Variants in ATM observed in about 807,000 individuals in gnomAD.
ATM encodes the protein ATM serine/threonine kinase, also known as serine-protein kinase ATM.
ATM carries 308 observed loss-of-function variants against 387.0 expected under a neutral mutation model. That is an observed-to-expected ratio of 0.80 (90% CI 0.73 to 0.87). The LOEUF is 0.87. Among genes scored for constraint, ATM ranks in the 40% least tolerant of loss-of-function variants. ATM has a pLI of 0.00. For missense variants in ATM, 3,312 were observed against 3,560.9 expected (o/e 0.93, Z 1.78); for synonymous variants, 1,156 against 1,187.3 (o/e 0.97, Z 0.54).
chr11:108,275,803 ATTCAT>A (rs1381553429), intron 22 of ATM, among the ~76,000 whole-genome samples: 1 of 151,888 alleles, frequency 6.6e-6, no homozygotes, highest in Non-Finnish European at 1.5e-5. Flanking sequence ...ACATTTTTTC[ATTCAT>A]TTCAACCTTG....
chr11:108,338,057 T>A (rs565135538), intron 56 of ATM, among the ~76,000 whole-genome samples: 1 of 152,344 alleles, frequency 6.6e-6, no homozygotes, highest in East Asian at 1.9e-4. Context: ...GTTATTCCAT[T>A]AAGATTTCTA....
intron 54 of ATM, among the ~76,000 whole-genome samples, chr11:108,334,419 A>T (rs2086609900): frequency 6.6e-6 from 1 of 152,240 alleles, no homozygotes; most frequent in African/African-American, 2.4e-5. Context: ...TGCATGATAC[A>T]CTTAGCTCTG....
chr11:108,238,460 ACATTTATT>A (rs2079408141), intron 5 of ATM, among the ~76,000 whole-genome samples: 1 of 152,160 alleles, frequency 6.6e-6, no homozygotes, highest in African/African-American at 2.4e-5. Flanking sequence ...CTGCAAATTG[ACATTTATT>A]TATAATTGTA....
intron 39 of ATM, among the ~76,000 whole-genome samples, chr11:108,311,703 C>CAA (rs1215790496): frequency 2.6e-5 from 3 of 114,286 alleles, no homozygotes; most frequent in East Asian, 2.5e-4. Flanking sequence ...ATCTCATAAA[C>CAA]AAAAAAAAAA....
chr11:108,263,020 C>T (rs2080999863), intron 16 of ATM, among the ~76,000 whole-genome samples: 1 of 152,108 alleles, frequency 6.6e-6, no homozygotes, highest in Non-Finnish European at 1.5e-5. Context: ...CTTAGACTCC[C>T]ACACATTAAT....
At chr11:108,307,521 CT>C (rs778418533) in intron 37 of ATM, among the ~76,000 whole-genome samples, 3 of 152,152 alleles carry the variant, frequency 2.0e-5, no homozygotes, top group Non-Finnish European at 4.4e-5. Context: ...GCATTTTAAA[CT>C]TTCCTATTAT....
rs730881349 is a variant in ATM, at chr11:108,267,205, A to G, written c.2501A>G (p.Glu834Gly). The part of the protein sequence containing the change: ...SFIKKPFDRG[E>G]VESMEDDTNG... ...ATCAAAAAGCCATTTGACCGTGGAG[A>G]AGTAGAATCAATGGAAGATGATACT... The change falls in exon 17 of 63, where the codon GAA becomes GGA. Residue 834 changes from glutamate (E) to glycine (G), a missense_variant. This residue lies in a region of ATM where 1,791 missense variants were observed against 1,804.5 expected (regional missense o/e 0.99). Transcript: ENST00000675843. 4 of 1,614,144 alleles carry G rather than the reference A, an allele frequency of 2.5e-6. No homozygotes were observed. Among genetic ancestry groups the G allele is most frequent in the Non-Finnish European group, 3.4e-6 (4 of 1,180,008 alleles).
rs541728387 is a variant in ATM at position 108,317,608 on chromosome 11, A to T, written c.6347+87A>T. The T allele has an allele frequency of 3.9e-4, 216 of 560,810 alleles. 1 individual carries two copies. The Admixed American group carries it at 6.4e-3, about 16-fold the overall frequency. 34.7% of individuals were successfully genotyped at this position (560,810 alleles called of 1,614,324 possible). ...TTTTCTCTTCTATGAATATAACAGG[A>T]GTTGTTTTATATATATATATATATA... On this transcript the variant is annotated intron_variant, in intron 43 of 62. Transcript: ENST00000675843.
chr11:108,296,891 T>C (rs2083153037), intron 32 of ATM: 3 of 273,918 alleles, frequency 1.1e-5, no homozygotes, highest in African/African-American at 6.7e-5. Context: ...GACATTTCCA[T>C]CATTGCAGAA....
At chr11:108,291,984 A>G (rs1003601499) in intron 29 of ATM, among the ~76,000 whole-genome samples, 4 of 152,188 alleles carry the variant, frequency 2.6e-5, no homozygotes, top group South Asian at 2.1e-4. Context: ...AGCCTCTTGT[A>G]TGTCTCAACA....
intron 26 of ATM, among the ~76,000 whole-genome samples, chr11:108,285,398 T>G (rs2082441912): frequency 6.6e-6 from 1 of 151,908 alleles, no homozygotes; most frequent in South Asian, 2.1e-4. Flanking sequence ...AGGAGTCAAG[T>G]AAGGAAGGAT....
intron 1 of ATM, 44 bp downstream of exon 1, chr11:108,223,230 T>G (rs926791360): frequency 1.2e-5 from 2 of 162,160 alleles, no homozygotes; most frequent in Admixed American, 5.9e-5. Flanking sequence ...GCTGGGAAAT[T>G]CAGTCGTGTG....
chr11:108,343,814 A>G (rs1488275236), intron 57 of ATM, among the ~76,000 whole-genome samples: 2 of 152,116 alleles, frequency 1.3e-5, no homozygotes, highest in Non-Finnish European at 2.9e-5. Context: ...CAACAACAAC[A>G]AGATTATGAA....
chr11:108,278,327 T>G (rs781420834), intron 22 of ATM, among the ~76,000 whole-genome samples: 16 of 152,192 alleles, frequency 1.1e-4, no homozygotes, highest in Non-Finnish European at 1.8e-4. Context: ...ATTTCACAGA[T>G]AAAAGCAAAT....
At chr11:108,277,339 C>G (rs1399499474) in intron 22 of ATM, among the ~76,000 whole-genome samples, 1 of 152,172 alleles carries the variant, frequency 6.6e-6, no homozygotes, top group Non-Finnish European at 1.5e-5. Flanking sequence ...GACCACTTGG[C>G]TCCCTGGCTT....
In ATM at chr11:108,354,016, G is replaced by C; in HGVS notation, c.8786+136G>C. On this transcript the variant is annotated intron_variant, in intron 60 of 62. Transcript: ENST00000675843. ...GGATTGTTTGAGCCCAGGAGTTTGA[G>C]TCCAGCCTAGGCAATACAGCAAGAC... 2.5e-6 allele frequency: 2 copies of C among 797,986 alleles called. 1 individual carries two copies. Among genetic ancestry groups the C allele is most frequent in the South Asian group, 2.8e-5 (2 of 70,674 alleles). The allele number at this position is 797,986 out of a possible 1,614,324, so 49.4% of individuals were successfully genotyped here. A position where few individuals can be genotyped will look rare whatever the true frequency, so the allele number is the denominator to read the frequency against.
intron 5 of ATM, among the ~76,000 whole-genome samples, chr11:108,239,861 TC>T (rs1308849466): frequency 6.6e-6 from 1 of 152,240 alleles, no homozygotes; most frequent in Non-Finnish European, 1.5e-5. Context: ...TTTTGCTTCT[TC>T]CTACCTGTCT....
chr11:108,229,212 T>C lies in ATM; in HGVS notation c.220T>C (p.Cys74Arg). 3.1e-6 allele frequency: 5 copies of C among 1,613,302 alleles called. No individual in the cohort carries two copies. The highest frequency in any genetic ancestry group is 4.2e-6 in the Non-Finnish European group (5 of 1,179,638). ...LQKYIQKETE[C>R]LRIAKPNVSA... ...GAAATATATTCAGAAAGAAACAGAA[T>C]GTCTGAGAATAGCAAAACCAAATGT... Residue 74 changes from cysteine to arginine, a missense_variant, in exon 4 of 63, where the codon TGT (cysteine) becomes CGT (arginine). Cys to Arg is a radical substitution (Grantham distance 180). This residue lies in a region of ATM where 1,791 missense variants were observed against 1,804.5 expected (regional missense o/e 0.99). Coordinates refer to ENST00000675843, the MANE Select transcript of ATM (RefSeq NM_000051.4).
intron 35 of ATM, 49 bp from the exon 36 acceptor site, chr11:108,302,804 A>G: frequency 1.3e-6 from 2 of 1,525,742 alleles, no homozygotes; most frequent in Non-Finnish European, 1.8e-6. Flanking sequence ...GGAAAGGTAC[A>G]ATGATTTCCA....
Sources: allele counts gnomAD v4.1 joint callset (sites outside exome capture counted in the v4.1 genomes callset), GRCh38; gene constraint gnomAD v4.1.1; regional missense constraint gnomAD v4.1.1; transcripts MANE v1.5; gene names NCBI Gene and HGNC (gene_info 2026-07-23, HGNC 2026-07-21).